LARGE1: variants seen among roughly 807,000 people sequenced by gnomAD.
LARGE1 encodes the protein xylosyl- and glucuronyltransferase LARGE1.
LARGE1 carries 43 observed loss-of-function variants against 87.6 expected under a neutral mutation model. The observed-to-expected ratio is 0.49, with a 90% CI of 0.38 to 0.63. The LOEUF (loss-of-function observed/expected upper bound fraction) is 0.63. LARGE1 is among the 30% of genes least tolerant of loss of function. LARGE1 has a pLI of 0.00. For synonymous variants in LARGE1, 434 were observed against 394.6 expected, an observed-to-expected ratio of 1.10 and a Z score of -1.18; for missense variants, 802 against 1,000.2, an observed-to-expected ratio of 0.80 and a Z score of 2.67.
intron 12 of LARGE1, among the ~76,000 whole-genome samples, chr22:33,298,251 G>A (rs1281787167): frequency 2.6e-5 from 4 of 152,172 alleles, no homozygotes; most frequent in Non-Finnish European, 5.9e-5. Context: ...ACATACAGCT[G>A]CAATGACCAC....
intron 1 of LARGE1, among the ~76,000 whole-genome samples, chr22:33,764,516 G>C (rs975098639): frequency 6.6e-6 from 1 of 152,260 alleles, no homozygotes; most frequent in East Asian, 1.9e-4. Flanking sequence ...CCAGCACTTT[G>C]GGAGGCCGAG....
chr22:33,743,406 T>C (rs115539395), intron 2 of LARGE1, among the ~76,000 whole-genome samples: 258 of 152,322 alleles, frequency 1.7e-3, no homozygotes, highest in African/African-American at 6.1e-3. Context: ...AGTATCCATT[T>C]GCTCAGGTCA....
intron 1 of LARGE1, among the ~76,000 whole-genome samples, chr22:33,877,471 T>C (rs1233694286): frequency 2.6e-5 from 4 of 152,158 alleles, no homozygotes; most frequent in Non-Finnish European, 5.9e-5. Context: ...TTGAATGACT[T>C]TGGGCAAGTT....
intron 9 of LARGE1, among the ~76,000 whole-genome samples, chr22:33,355,450 A>T (rs1206401879): frequency 6.6e-6 from 1 of 152,176 alleles, no homozygotes; most frequent in Non-Finnish European, 1.5e-5. Context: ...TGTGTTTTGC[A>T]GCCCTTTCCT....
intron 5 of LARGE1, among the ~76,000 whole-genome samples, chr22:33,589,429 CCATT>C (rs1163204870): frequency 6.6e-6 from 1 of 151,880 alleles, no homozygotes; most frequent in Non-Finnish European, 1.5e-5. Context: ...AATATTTCCT[CCATT>C]GTTTTATTAA....
At chr22:33,891,447 A>AAC (rs71187289) in intron 1 of LARGE1, among the ~76,000 whole-genome samples, 1 of 152,030 alleles carries the variant, frequency 6.6e-6, no homozygotes, top group African/African-American at 2.4e-5. Context: ...CATAAAAAAA[A>AAC]AAAAAACTGT....
chr22:33,895,919 C>T (rs141880799), intron 1 of LARGE1, among the ~76,000 whole-genome samples: 8 of 152,174 alleles, frequency 5.3e-5, no homozygotes, highest in Non-Finnish European at 1.0e-4. Flanking sequence ...TTATTTTCAC[C>T]GTAGTAAAAT....
chr22:33,745,085 C>T (rs1050821030), intron 2 of LARGE1, among the ~76,000 whole-genome samples: 1 of 152,130 alleles, frequency 6.6e-6, no homozygotes, highest in Admixed American at 6.5e-5. Context: ...CTGAAGGAGC[C>T]GAGGGATTTC....
chr22:33,081,720 T>G, the LARGE1 span, among the ~76,000 whole-genome samples: 1 of 152,204 alleles, frequency 6.6e-6, no homozygotes, highest in Non-Finnish European at 1.5e-5. Context: ...TCTACCCTCA[T>G]GTCTATCCAG....
the LARGE1 span, among the ~76,000 whole-genome samples, chr22:33,131,837 A>G: frequency 1.3e-5 from 2 of 151,536 alleles, no homozygotes; most frequent in African/African-American, 2.4e-5. Flanking sequence ...TGATAAAGAC[A>G]TACCTGAGAC....
At chr22:33,606,112 T>C (rs1389018492) in intron 4 of LARGE1, among the ~76,000 whole-genome samples, 8 of 152,086 alleles carry the variant, frequency 5.3e-5, no homozygotes, top group Non-Finnish European at 2.9e-5. Context: ...AAAGTTTAAT[T>C]AAAACAGTTT....
chr22:33,119,507 G>A, the LARGE1 span, among the ~76,000 whole-genome samples: 1 of 152,180 alleles, frequency 6.6e-6, no homozygotes, highest in South Asian at 2.1e-4. Flanking sequence ...TAGGGTGGCG[G>A]CATGGGGTGG....
At chr22:33,103,037 C>T in the LARGE1 span, among the ~76,000 whole-genome samples, 12 of 152,102 alleles carry the variant, frequency 7.9e-5, no homozygotes, top group Admixed American at 2.6e-4. Flanking sequence ...CCCTGCCCCC[C>T]GCCCCGCCGG....
chr22:33,778,711 C>T (rs1053236914), intron 1 of LARGE1, among the ~76,000 whole-genome samples: 11 of 152,072 alleles, frequency 7.2e-5, no homozygotes, highest in Non-Finnish European at 1.0e-4. Flanking sequence ...AGTGCAGTGG[C>T]GCAATCTCGG....
At chr22:33,278,553 TCACACACACACACA>T (rs113415022) in intron 13 of LARGE1, among the ~76,000 whole-genome samples, 3 of 148,776 alleles carry the variant, frequency 2.0e-5, no homozygotes, top group East Asian at 2.0e-4. Context: ...TCTCTCTCTC[TCACACACACACACA>T]CACACACACA....
At chr22:33,787,270 G>A (rs17735056) in intron 1 of LARGE1, among the ~76,000 whole-genome samples, 11,020 of 152,032 alleles carry the variant, frequency 0.072, 514 homozygotes, top group Admixed American at 0.11. Context: ...AGAATATGGG[G>A]CACTAGTTAG....
intron 2 of LARGE1, among the ~76,000 whole-genome samples, chr22:33,747,012 C>A (rs888286786): frequency 2.0e-5 from 3 of 152,062 alleles, no homozygotes; most frequent in African/African-American, 7.3e-5. Flanking sequence ...CTGTCTTGTT[C>A]ATTAAGTGCC....
chr22:33,122,963 A>G, the LARGE1 span, among the ~76,000 whole-genome samples: 1 of 152,146 alleles, frequency 6.6e-6, no homozygotes, highest in Admixed American at 6.5e-5. Flanking sequence ...CAGGGGGCAT[A>G]GGCTGGGATC....
chr22:33,511,063 C>T (rs141753368), intron 6 of LARGE1, among the ~76,000 whole-genome samples: 114 of 152,324 alleles, frequency 7.5e-4, no homozygotes, highest in African/African-American at 2.6e-3. Context: ...TAGTGATTTT[C>T]TTCCTGTTTT....
Sources: gnomAD v4.1 joint callset for allele counts (sites outside exome capture counted in the v4.1 genomes callset) on GRCh38, gnomAD v4.1.1 for gene constraint, MANE v1.5 for transcripts, NCBI Gene and HGNC (gene_info 2026-07-23, HGNC 2026-07-21) for gene names.